The following RNF111 variants were observed in gnomAD, a reference collection of about 807,000 sequenced individuals.
RNF111 encodes the protein ring finger protein 111, also known as E3 ubiquitin-protein ligase Arkadia.
A neutral mutation model predicts 95.1 loss-of-function variants in RNF111; 17 were observed. The ratio of observed to expected loss-of-function variants is 0.18; its 90% CI spans 0.12 to 0.27. The LOEUF is 0.27. Among genes scored for constraint, RNF111 ranks in the 10% least tolerant of loss-of-function variants. The pLI, the probability that RNF111 is intolerant of heterozygous loss-of-function variation, is 1.00. For missense variants in RNF111, 1,189 were observed against 1,210.4 expected (o/e 0.98, Z 0.26); for synonymous variants, 440 against 414.8 (o/e 1.06, Z -0.74).
At chr15:58,989,970 G>A (rs901214767) in intron 1 of RNF111, among the ~76,000 whole-genome samples, 7 of 150,770 alleles carry the variant, frequency 4.6e-5, no homozygotes, top group African/African-American at 1.5e-4. Context: ...CTCCCCTTTT[G>A]GGCCAAGACT....
chr15:59,029,421 C>T (rs1239453064), intron 1 of RNF111, among the ~76,000 whole-genome samples: 4 of 152,132 alleles, frequency 2.6e-5, no homozygotes, highest in African/African-American at 4.8e-5. Flanking sequence ...CTACAGATAG[C>T]GCGTGATGGC....
intron 1 of RNF111, among the ~76,000 whole-genome samples, chr15:59,013,673 G>A (rs1301393936): frequency 6.6e-6 from 1 of 152,206 alleles, no homozygotes; most frequent in Non-Finnish European, 1.5e-5. Context: ...CTTGAGATTG[G>A]TGGGGGAGGG....
At chr15:58,998,351 A>G (rs575980035) in intron 1 of RNF111, among the ~76,000 whole-genome samples, 10 of 151,810 alleles carry the variant, frequency 6.6e-5, no homozygotes, top group Non-Finnish European at 1.3e-4. Flanking sequence ...CCACCCAGGT[A>G]TTAAGCCTAG....
At chr15:59,004,179 C>T in intron 1 of RNF111, 1 of 1,152,236 alleles carries the variant, frequency 8.7e-7, no homozygotes, top group South Asian at 1.7e-5. Flanking sequence ...TTTAAGGTCT[C>T]AACTTTGTTT....
Position 59,031,421 on chromosome 15 carries a change from C to T in RNF111, c.599C>T (p.Pro200Leu). 2 of 1,614,120 alleles carry T rather than the reference C, an allele frequency of 1.2e-6. No individual in the cohort carries two copies. Among genetic ancestry groups the T allele is most frequent in the Non-Finnish European group, 8.5e-7 (1 of 1,180,032 alleles). Residue 200 changes from proline to leucine, a missense_variant, in exon 2 of 14, where the codon CCC becomes CTC. Around this residue, in one of 2 missense-constraint regions of RNF111, gnomAD observed 1,024 missense variants for 925.9 expected, o/e 1.11. Coordinates refer to ENST00000348370, the MANE Select transcript of RNF111 (RefSeq NM_017610.8). ...ESVSGLLMKR[P>L]CLHGSSLRRL... Reference sequence around the variant, plus strand: ...GTATCGGGATTGTTAATGAAAAGACCCTGTTTACATGGCAGTTCGTTACGG... The same window carrying T: ...GTATCGGGATTGTTAATGAAAAGACTCTGTTTACATGGCAGTTCGTTACGG...
At chr15:59,072,643 G>A (rs1392565438) in intron 6 of RNF111, among the ~76,000 whole-genome samples, 1 of 151,280 alleles carries the variant, frequency 6.6e-6, no homozygotes, top group Non-Finnish European at 1.5e-5. Context: ...TAGTAGAGAC[G>A]GGGTTTCACC....
chr15:58,999,369 A>G (rs2039226016), intron 1 of RNF111, among the ~76,000 whole-genome samples: 1 of 152,152 alleles, frequency 6.6e-6, no homozygotes, highest in Admixed American at 6.6e-5. Context: ...ACGGAGTCAC[A>G]CTGTCACCCA....
chr15:59,047,983 A>G (rs1362049353), intron 2 of RNF111, among the ~76,000 whole-genome samples: 1 of 152,236 alleles, frequency 6.6e-6, no homozygotes, highest in East Asian at 1.9e-4. Flanking sequence ...GGATGTGGAG[A>G]ACCTGAAACC....
At chr15:59,053,249 G>A (rs6494065) in intron 3 of RNF111, among the ~76,000 whole-genome samples, 65,906 of 151,898 alleles carry the variant, frequency 0.43, 15,415 homozygotes, top group African/African-American at 0.61. Context: ...GCCCTATTGC[G>A]GAATCACTTT....
At chr15:59,039,451 C>T (rs769554330) in intron 2 of RNF111, among the ~76,000 whole-genome samples, 2 of 152,156 alleles carry the variant, frequency 1.3e-5, no homozygotes, top group Non-Finnish European at 2.9e-5. Flanking sequence ...CTAGCAGCAT[C>T]CAAAGAGGTT....
chr15:59,035,202 C>T (rs2041114676), intron 2 of RNF111, among the ~76,000 whole-genome samples: 1 of 152,144 alleles, frequency 6.6e-6, no homozygotes, highest in South Asian at 2.1e-4. Context: ...CTGGCCCTGT[C>T]CATGACACGT....
At chr15:58,995,961 G>A (rs2039053279) in intron 1 of RNF111, among the ~76,000 whole-genome samples, 1 of 151,664 alleles carries the variant, frequency 6.6e-6, no homozygotes, top group African/African-American at 2.4e-5. Context: ...CATGCATCAG[G>A]ACATCGCTAG....
intron 6 of RNF111, among the ~76,000 whole-genome samples, chr15:59,074,277 C>A (rs947094289): frequency 6.6e-6 from 1 of 152,206 alleles, no homozygotes; most frequent in Non-Finnish European, 1.5e-5. Flanking sequence ...ATCATCCAGT[C>A]CTTGGAAACT....
intron 2 of RNF111, among the ~76,000 whole-genome samples, chr15:59,034,384 T>C (rs1328382940): frequency 1.3e-5 from 2 of 152,206 alleles, no homozygotes; most frequent in Non-Finnish European, 2.9e-5. Context: ...TCCAAGAAGT[T>C]TGCATTAAAT....
At chr15:58,996,333 G>T (rs1309332625) in intron 1 of RNF111, among the ~76,000 whole-genome samples, 1 of 152,096 alleles carries the variant, frequency 6.6e-6, no homozygotes, top group Non-Finnish European at 1.5e-5. Flanking sequence ...AGCACTTCGG[G>T]AGGCCGAGGC....
chr15:59,067,061 C>A lies in RNF111; in HGVS notation c.1664C>A (p.Ser555Tyr). The A allele has an allele frequency of 6.2e-7, 1 of 1,613,964 alleles. No homozygotes were observed. Among genetic ancestry groups the A allele is most frequent in the Non-Finnish European group, 8.5e-7 (1 of 1,179,936 alleles). Residue 555 changes from serine to tyrosine, a missense_variant, in exon 6 of 14, where the codon TCT (serine) becomes TAT (tyrosine). Transcript: ENST00000348370. ...VQAPCGANSS[S>Y]GTSYHEQQAL... ...GCACCTTGTGGAGCAAATAGTAGTTCTGGTACCAGCTATCATGAACAGGTA... is the reference window on the plus strand; with the variant it reads ...GCACCTTGTGGAGCAAATAGTAGTTATGGTACCAGCTATCATGAACAGGTA...
intron 1 of RNF111, among the ~76,000 whole-genome samples, chr15:58,996,583 GA>G (rs557583254): frequency 2.5e-5 from 3 of 121,254 alleles, no homozygotes; most frequent in Admixed American, 8.3e-5. Context: ...TCCATCTCAA[GA>G]AAAAAAAAAT....
intron 10 of RNF111, among the ~76,000 whole-genome samples, chr15:59,089,004 G>A (rs1465199935): frequency 2.6e-5 from 4 of 152,124 alleles, no homozygotes; most frequent in African/African-American, 9.7e-5. Context: ...ACAAGACACT[G>A]GTTTATAGTA....
chr15:59,067,113 C>T (rs774666852), intron 6 of RNF111, 30 bp downstream of exon 6: 2 of 1,563,078 alleles, frequency 1.3e-6, no homozygotes, highest in Non-Finnish European at 1.8e-6. Context: ...GTCTTTCTTT[C>T]CTGCCCCTCT....
Sources: gnomAD v4.1 joint callset for allele counts (sites outside exome capture counted in the v4.1 genomes callset) on GRCh38, gnomAD v4.1.1 for gene constraint, gnomAD v4.1.1 regional missense constraint, MANE v1.5 for transcripts, NCBI Gene and HGNC (gene_info 2026-07-23, HGNC 2026-07-21) for gene names.